Variants in IP6K2 observed in about 807,000 individuals in gnomAD.
IP6K2 encodes inositol hexakisphosphate kinase 2.
In IP6K2, 9 loss-of-function variants were observed where a neutral mutation model predicts 43.3. The observed-to-expected ratio is 0.21, with a 90% confidence interval of 0.13 to 0.36. The LOEUF is 0.36. Ranked by LOEUF, IP6K2 falls within the 10% of genes least tolerant of loss-of-function variation. The pLI is 1.00. For missense variants in IP6K2, 332 were observed against 538.4 expected, an observed-to-expected ratio of 0.62 and a Z score of 3.79; for synonymous variants, 209 against 202.4, an observed-to-expected ratio of 1.03 and a Z score of -0.28.
intron 1 of IP6K2, among the ~76,000 whole-genome samples, chr3:48,703,776 A>C (rs2079355125): frequency 6.6e-6 from 1 of 151,336 alleles, no homozygotes. Flanking sequence ...TGAGGAAATA[A>C]ATATAAAAAT....
In IP6K2 at chr3:48,693,932, T is replaced by A. The variant is rs1225633072; in HGVS notation, c.203-753A>T. On this transcript the variant is annotated intron_variant, in intron 2 of 5. Transcript: ENST00000328631. ...AACCTGCCATGAGTAATTAAGACAG[T>A]CTTTGAGGATGGGGCTGTCAGGTGG... The A allele has an allele frequency of 7.4e-6, 10 of 1,345,596 alleles. No individual in the cohort carries two copies. The East Asian group carries it at 9.1e-5, about 12-fold the overall frequency. The allele number at this position is 1,345,596 out of a possible 1,614,324, so 83.4% of individuals were successfully genotyped here.
intron 1 of IP6K2, among the ~76,000 whole-genome samples, chr3:48,701,336 G>A (rs1464293584): frequency 6.6e-6 from 1 of 152,164 alleles, no homozygotes; most frequent in African/African-American, 2.4e-5. Context: ...GGAGGCTGAG[G>A]CGGGCGGATT....
chr3:48,715,913 C>G (rs1321863850), intron 1 of IP6K2, among the ~76,000 whole-genome samples: 1 of 149,296 alleles, frequency 6.7e-6, no homozygotes, highest in African/African-American at 2.5e-5. Flanking sequence ...TGACAGTTAA[C>G]AGTTTAACTT....
At chr3:48,692,909 C>T in intron 3 of IP6K2, 45 bp downstream of exon 3, 1 of 1,436,572 alleles carries the variant, frequency 7.0e-7, no homozygotes, top group African/African-American at 1.4e-5. Context: ...ACCCCCAACA[C>T]TTCCCCTCCC....
rs372382688 is a variant in IP6K2 at position 48,691,157 on chromosome 3, A to G, written c.604+150T>C. The G allele has an allele frequency of 1.0e-4, 67 of 664,990 alleles. No homozygotes were observed. The African/African-American group carries it at 1.1e-3, about 11-fold the overall frequency. The allele number at this position is 664,990 out of a possible 1,614,324, so 41.2% of individuals were successfully genotyped here. ...CCCTGAGGGAAGTGATTATTTGCCC[A>G]TAATTATCATACAGGTCCTGGAATA... On this transcript the variant is annotated intron_variant, in intron 4 of 5. Coordinates refer to ENST00000328631, the MANE Select transcript of IP6K2 (RefSeq NM_016291.4).
intron 2 of IP6K2, chr3:48,694,025 C>CATTAAAAAAG: frequency 7.1e-7 from 1 of 1,417,192 alleles, no homozygotes. Context: ...TCCCAGGCCT[C>CATTAAAAAAG]TCTGCCCCAG....
At chr3:48,690,256 C>G (rs950018187) in intron 4 of IP6K2, among the ~76,000 whole-genome samples, 1 of 152,234 alleles carries the variant, frequency 6.6e-6, no homozygotes, top group Admixed American at 6.5e-5. Context: ...GTGCTCCCAA[C>G]AGCAGAAACT....
intron 2 of IP6K2, 171 bp downstream of exon 2, chr3:48,694,919 A>G: frequency 6.5e-7 from 1 of 1,548,414 alleles, no homozygotes; most frequent in Non-Finnish European, 8.7e-7. Flanking sequence ...TTGAAAACTG[A>G]GGGTGTGAGA....
intron 1 of IP6K2, among the ~76,000 whole-genome samples, chr3:48,704,387 T>C (rs1449171880): frequency 6.6e-6 from 1 of 152,206 alleles, no homozygotes; most frequent in Non-Finnish European, 1.5e-5. Context: ...ATTTTTTTCA[T>C]TCAATTGTAT....
At chr3:48,705,066 C>T (rs1349811746) in intron 1 of IP6K2, among the ~76,000 whole-genome samples, 6 of 152,156 alleles carry the variant, frequency 3.9e-5, no homozygotes, top group African/African-American at 9.7e-5. Context: ...CTCAGCCTCC[C>T]GAGTAGCTGG....
intron 1 of IP6K2, among the ~76,000 whole-genome samples, chr3:48,700,115 T>C (rs1292561406): frequency 6.6e-6 from 1 of 152,222 alleles, no homozygotes; most frequent in African/African-American, 2.4e-5. Flanking sequence ...AATCTCTCAA[T>C]ATGAACATAA....
intron 1 of IP6K2, among the ~76,000 whole-genome samples, chr3:48,705,891 TAATAA>T (rs1195958811): frequency 2.0e-5 from 2 of 100,992 alleles, no homozygotes; most frequent in African/African-American, 3.2e-5. Flanking sequence ...AAATAAAAAA[TAATAA>T]AATAAAATAA....
chr3:48,691,852 C>T (rs2077822617), intron 3 of IP6K2, among the ~76,000 whole-genome samples: 1 of 151,688 alleles, frequency 6.6e-6, no homozygotes, highest in African/African-American at 2.4e-5. Context: ...CAGAAACTTT[C>T]TTTTTTTTCT....
At chr3:48,714,171 T>TCCC (rs1218822132) in intron 1 of IP6K2, among the ~76,000 whole-genome samples, 2 of 152,132 alleles carry the variant, frequency 1.3e-5, no homozygotes, top group African/African-American at 4.8e-5. Flanking sequence ...AGGGAGCATA[T>TCCC]CCCAGAAATT....
rs200374251 is a variant in IP6K2, at chr3:48,695,863, A to AATAT, written c.-130-446_-130-443dup. 8.1e-5 allele frequency among the ~76,000 whole-genome samples: 12 copies of AATAT among 147,250 alleles called. No individual in the cohort carries two copies. Among genetic ancestry groups the AATAT allele is most frequent in the African/African-American group, 2.7e-4 (11 of 40,574 alleles). ...TAATATATATTATATATATAAAATAAATATATATATATAATTTTTTAATAT... is the reference window on the plus strand; with the variant it reads ...TAATATATATTATATATATAAAATAAATATATATATATATATAATTTTTTAATAT... On this transcript the variant is annotated intron_variant, in intron 1 of 5. Coordinates refer to ENST00000328631, the MANE Select transcript of IP6K2 (RefSeq NM_016291.4). The surrounding 1 kb of genome is among the most constrained non-coding windows in gnomAD (Gnocchi z 4.6).
intron 1 of IP6K2, among the ~76,000 whole-genome samples, chr3:48,699,131 C>CGG (rs2078739352): frequency 6.6e-6 from 1 of 152,090 alleles, no homozygotes; most frequent in Admixed American, 6.5e-5. Context: ...TAGCTGGGGC[C>CGG]GGGCGTGGTG....
In IP6K2 at chr3:48,689,560, C is replaced by G; in HGVS notation, c.758G>C (p.Gly253Ala). 1 of 1,613,788 alleles carries G rather than the reference C, an allele frequency of 6.2e-7. No individual in the cohort carries two copies. The highest frequency in any genetic ancestry group is 8.5e-7 in the Non-Finnish European group (1 of 1,179,954). The change falls in exon 5 of 6, where the codon GGT becomes GCT. Residue 253 changes from glycine to alanine, a missense_variant. Transcript: ENST00000328631. Reference sequence around the variant, plus strand: ...CACCTGCATGCCACACACACGCACACCAATGACTGCAGATGTGCTCTGCTG... The same window carrying G: ...CACCTGCATGCCACACACACGCACAGCAATGACTGCAGATGTGCTCTGCTG... ...KCQQSTSAVI[G>A]VRVCGMQVYQ...
At position 48,715,243 on chromosome 3, in the gene IP6K2, A is replaced by G. The variant is rs1490296905; in HGVS notation, c.-131+1914T>C. 8.7e-6 allele frequency: 13 copies of G among 1,496,136 alleles called. No homozygotes were observed. In the Admixed American group the frequency reaches 2.2e-4, roughly 25 times the overall value. The allele number at this position is 1,496,136 out of a possible 1,614,324, so 92.7% of individuals were successfully genotyped here. On this transcript the variant is annotated intron_variant, in intron 1 of 5. Transcript: ENST00000328631. ...ACCCAAGATTATCCCACTAGGTGAA[A>G]TAACTTCACTTAAAGGGAAAATTCT...
intron 1 of IP6K2, among the ~76,000 whole-genome samples, chr3:48,707,736 G>A (rs1182743697): frequency 1.3e-5 from 2 of 152,082 alleles, no homozygotes; most frequent in African/African-American, 4.8e-5. Flanking sequence ...CTGCACCCAG[G>A]CTCATTCTGG....
Sources: gnomAD v4.1 joint callset for allele counts (sites outside exome capture counted in the v4.1 genomes callset) on GRCh38, gnomAD v4.1.1 for gene constraint, Gnocchi (gnomAD v3.1) non-coding constraint, MANE v1.5 for transcripts, NCBI Gene and HGNC (gene_info 2026-07-23, HGNC 2026-07-21) for gene names.